The following PRH1 variants were observed in gnomAD, a reference collection of about 807,000 sequenced individuals.
PRH1 encodes the protein salivary acidic proline-rich phosphoprotein 1/2.
PRH1 carries 7 observed loss-of-function variants against 7.9 expected under a neutral mutation model. The ratio of observed to expected loss-of-function variants is 0.89; its 90% CI spans 0.50 to 1.67. The LOEUF is 1.67. PRH1 is among the 40% of genes most tolerant of loss of function. The pLI is 0.00. For synonymous variants in PRH1, 45 were observed against 80.8 expected, an observed-to-expected ratio of 0.56 and a Z score of 2.38; for missense variants, 109 against 223.6, an observed-to-expected ratio of 0.49 and a Z score of 3.27.
At chr12:10,988,599 A>G (rs773824908) in intron 1 of PRH1, among the ~76,000 whole-genome samples, 3 of 152,102 alleles carry the variant, frequency 2.0e-5, no homozygotes, top group Non-Finnish European at 4.4e-5. Context: ...ATTTTTAAAT[A>G]CAATTATAAT....
chr12:11,052,994 A>C (rs77898279), intron 1 of PRH1, among the ~76,000 whole-genome samples: 2 of 88,238 alleles, frequency 2.3e-5, no homozygotes, highest in Non-Finnish European at 5.0e-5. Context: ...CCAACACTTT[A>C]GTCAGAGAAT....
At chr12:11,021,166 C>A (rs1353843452) in intron 1 of PRH1, among the ~76,000 whole-genome samples, 1 of 59,492 alleles carries the variant, frequency 1.7e-5, no homozygotes, top group Admixed American at 1.9e-4. Context: ...TTCTACTAAG[C>A]ATAAAATAAG....
intron 1 of PRH1, among the ~76,000 whole-genome samples, chr12:11,151,533 A>G (rs34373518): frequency 0.29 from 44,045 of 152,114 alleles, 8,260 homozygotes; most frequent in East Asian, 0.74. Flanking sequence ...TTATGAAGTG[A>G]CAGCCAGCTA....
At chr12:11,158,036 A>C (rs1049349156) in intron 1 of PRH1, among the ~76,000 whole-genome samples, 1 of 152,194 alleles carries the variant, frequency 6.6e-6, no homozygotes, top group African/African-American at 2.4e-5. Flanking sequence ...CATGAAGACT[A>C]ATATAAAACC....
intron 1 of PRH1, among the ~76,000 whole-genome samples, chr12:11,090,816 A>AGAT (rs1944855525): frequency 8.7e-6 from 1 of 115,410 alleles, no homozygotes. Flanking sequence ...CCATCCAATA[A>AGAT]ATTTGAGGTT....
At chr12:11,169,981 T>G (rs919045214) in intron 1 of PRH1, among the ~76,000 whole-genome samples, 1 of 152,230 alleles carries the variant, frequency 6.6e-6, no homozygotes, top group Non-Finnish European at 1.5e-5. Flanking sequence ...ACCGTACTTG[T>G]GCTCTGAATA....
intron 1 of PRH1, among the ~76,000 whole-genome samples, chr12:11,044,195 GAC>G (rs1942827934): frequency 6.6e-6 from 1 of 152,108 alleles, no homozygotes; most frequent in Non-Finnish European, 1.5e-5. Flanking sequence ...ACTGGAAAAA[GAC>G]AGTCTCTTCA....
chr12:11,128,726 C>T (rs1310055643), intron 1 of PRH1, among the ~76,000 whole-genome samples: 2 of 152,124 alleles, frequency 1.3e-5, no homozygotes, highest in Non-Finnish European at 2.9e-5. Context: ...GCCTGAGAGA[C>T]AGAGCGAGAC....
intron 1 of PRH1, among the ~76,000 whole-genome samples, chr12:10,979,869 A>G (rs575542461): frequency 3.5e-4 from 53 of 152,328 alleles, no homozygotes; most frequent in African/African-American, 1.2e-3. Flanking sequence ...TAAATATCTG[A>G]AAGTCTGAAG....
intron 2 of PRH1, among the ~76,000 whole-genome samples, chr12:10,917,373 C>G (rs1254560854): frequency 6.6e-6 from 1 of 152,102 alleles, no homozygotes; most frequent in Non-Finnish European, 1.5e-5. Flanking sequence ...CAGTACTTCT[C>G]TCTTGCTATG....
downstream of PRH1, among the ~76,000 whole-genome samples, chr12:11,118,428 T>C (rs1235641604): frequency 6.6e-6 from 1 of 152,198 alleles, no homozygotes; most frequent in South Asian, 2.1e-4. Context: ...TAACAAATGC[T>C]GGTGAGGATG....
At chr12:11,145,924 A>T (rs1483862014) in intron 1 of PRH1, among the ~76,000 whole-genome samples, 1 of 152,206 alleles carries the variant, frequency 6.6e-6, no homozygotes, top group African/African-American at 2.4e-5. Context: ...AACTATACAT[A>T]GCTCTATAAC....
chr12:10,969,041 G>A (rs1247941234), intron 2 of PRH1, among the ~76,000 whole-genome samples: 2 of 152,194 alleles, frequency 1.3e-5, no homozygotes, highest in African/African-American at 4.8e-5. Context: ...GAAAAATGAG[G>A]TTGCACAACC....
At chr12:11,104,181 TAAAAAAAAAAAA>T (rs760838136) in intron 1 of PRH1, among the ~76,000 whole-genome samples, 3 of 49,580 alleles carry the variant, frequency 6.1e-5, no homozygotes, top group African/African-American at 2.5e-4. Flanking sequence ...AATGAAAGAG[TAAAAAAAAAAAA>T]AAAAAAAAAA....
At chr12:11,135,876 T>C (rs970395339) in intron 1 of PRH1, among the ~76,000 whole-genome samples, 4 of 152,174 alleles carry the variant, frequency 2.6e-5, no homozygotes, top group Admixed American at 1.3e-4. Flanking sequence ...CCTCAGTATA[T>C]AATGAGACGA....
Position 10,900,626 on chromosome 12 carries a change from C to G in PRH1, c.-58-16351G>C, listed in dbSNP as rs1949709935. On this transcript the variant is annotated intron_variant, in intron 2 of 3. Coordinates refer to the PRH1 transcript ENST00000539853. ...TTATCCTATGTGATGAGACTTGCAA[C>G]CAGGCAGCTTAGCTACTTGGAACTA... Among the ~76,000 whole-genome samples, 3 of 152,222 alleles carry G rather than the reference C, an allele frequency of 2.0e-5. No homozygotes were observed. In the South Asian group the frequency reaches 6.2e-4, roughly 32 times the overall value.
intron 1 of PRH1, among the ~76,000 whole-genome samples, chr12:11,041,785 G>A (rs67487380): frequency 0.25 from 38,046 of 152,004 alleles, 6,136 homozygotes; most frequent in East Asian, 0.66. Flanking sequence ...CATCAACTCT[G>A]GCCACAATGG....
chr12:11,083,778 A>G (rs1029710011), intron 1 of PRH1, among the ~76,000 whole-genome samples: 23 of 152,058 alleles, frequency 1.5e-4, no homozygotes, highest in Non-Finnish European at 2.4e-4. Flanking sequence ...ATAAATTTCA[A>G]TTTATTAAAA....
chr12:11,096,713 T>C (rs1321470055), intron 1 of PRH1, among the ~76,000 whole-genome samples: 1 of 116,074 alleles, frequency 8.6e-6, no homozygotes, highest in East Asian at 2.1e-4. Flanking sequence ...GATCTCAAAA[T>C]GTCATTAATT....
Sources: gnomAD v4.1 joint callset for allele counts (sites outside exome capture counted in the v4.1 genomes callset) on GRCh38, gnomAD v4.1.1 for gene constraint, MANE v1.5 for transcripts, NCBI Gene and HGNC (gene_info 2026-07-23, HGNC 2026-07-21) for gene names.